The following STXBP3 variants were observed in gnomAD, a reference collection of about 807,000 sequenced individuals.
STXBP3 encodes the protein syntaxin-binding protein 3.
Under a neutral mutation model 85.7 loss-of-function variants are expected in STXBP3, and 41 were observed. The observed-to-expected ratio is 0.48, with a 90% CI of 0.37 to 0.62. The LOEUF is 0.62. Among genes scored for constraint, STXBP3 ranks in the 20% least tolerant of loss-of-function variants. The probability of loss-of-function intolerance (pLI) is 0.00; values close to 1 mark genes in which losing one functional copy is unlikely to be tolerated. For missense variants in STXBP3, 563 were observed against 703.1 expected (o/e 0.80, Z 2.25); for synonymous variants, 229 against 231.7 (o/e 0.99, Z 0.10).
chr1:108,780,878 C>T (rs971874864), intron 9 of STXBP3: 10 of 151,484 alleles, frequency 6.6e-5, no homozygotes, highest in Admixed American at 6.6e-4. Context: ...AAATGATTCC[C>T]AGCCTCAGCC....
intron 1 of STXBP3, among the ~76,000 whole-genome samples, chr1:108,751,423 TGATA>T (rs1428181747): frequency 1.3e-5 from 2 of 152,202 alleles, no homozygotes; most frequent in Non-Finnish European, 1.5e-5. Flanking sequence ...AAAAACTTGT[TGATA>T]AATTTCCCAA....
At chr1:108,775,805 T>TC (rs1438755596) in intron 7 of STXBP3, among the ~76,000 whole-genome samples, 25 of 152,122 alleles carry the variant, frequency 1.6e-4, no homozygotes, top group Admixed American at 1.3e-3. Flanking sequence ...GACTCATATG[T>TC]CCATCTTTAG....
At chr1:108,763,541 A>G (rs1438524772) in intron 6 of STXBP3, among the ~76,000 whole-genome samples, 1 of 152,136 alleles carries the variant, frequency 6.6e-6, no homozygotes, top group Non-Finnish European at 1.5e-5. Context: ...TCACTGAAGT[A>G]TTATAATGGC....
At chr1:108,784,042 A>G (rs1348566294) in intron 11 of STXBP3, among the ~76,000 whole-genome samples, 2 of 152,074 alleles carry the variant, frequency 1.3e-5, no homozygotes, top group East Asian at 3.9e-4. Context: ...CTATACATGT[A>G]TTTATGTATG....
chr1:108,783,164 G>A (rs1254113488), intron 11 of STXBP3, among the ~76,000 whole-genome samples: 1 of 152,224 alleles, frequency 6.6e-6, no homozygotes, highest in Non-Finnish European at 1.5e-5. Flanking sequence ...ACAGGTGTGA[G>A]CCACTGTGCC....
Position 108,787,588 on chromosome 1 carries a change from G to C in STXBP3, c.963+4882G>C, listed in dbSNP as rs1210337675. Among the ~76,000 whole-genome samples the C allele has an allele frequency of 2.0e-5, 3 of 151,964 alleles. No homozygotes were observed. The East Asian group carries it at 5.8e-4, about 29-fold the overall frequency. On this transcript the variant is annotated intron_variant, in intron 11 of 18. Transcript: ENST00000370008. ...TAGTTAATACCTCCTGGTTCTGGCT[G>C]ATACCTCCAGTATAACATGAAATCA...
chr1:108,792,620 C>G (rs1663000534), intron 11 of STXBP3, among the ~76,000 whole-genome samples: 1 of 152,126 alleles, frequency 6.6e-6, no homozygotes, highest in African/African-American at 2.4e-5. Context: ...CTTGGGTCTA[C>G]TTTTATTGAC....
At chr1:108,792,860 T>G (rs1663005843) in intron 11 of STXBP3, among the ~76,000 whole-genome samples, 1 of 152,216 alleles carries the variant, frequency 6.6e-6, no homozygotes, top group Non-Finnish European at 1.5e-5. Context: ...CACTGAGTCC[T>G]AAGGCATAGT....
chr1:108,757,537 A>C (rs910243441), intron 4 of STXBP3, among the ~76,000 whole-genome samples: 1 of 151,970 alleles, frequency 6.6e-6, no homozygotes, highest in African/African-American at 2.4e-5. Context: ...AAAAAATGCA[A>C]CTTAAAAGTA....
At chr1:108,768,057 G>A (rs1057048242) in intron 6 of STXBP3, among the ~76,000 whole-genome samples, 1 of 152,206 alleles carries the variant, frequency 6.6e-6, no homozygotes, top group African/African-American at 2.4e-5. Context: ...GAACTGAAGT[G>A]CAGTTACTGA....
At chr1:108,794,705 A>G (rs1017550198) in intron 12 of STXBP3, 122 bp from the exon 13 acceptor site, 3 of 746,092 alleles carry the variant, frequency 4.0e-6, no homozygotes, top group African/African-American at 3.5e-5. Flanking sequence ...TCCCTTGCTT[A>G]CATGTTACCT....
At chr1:108,763,612 G>A (rs762022115) in intron 6 of STXBP3, among the ~76,000 whole-genome samples, 1 of 152,020 alleles carries the variant, frequency 6.6e-6, no homozygotes, top group East Asian at 1.9e-4. Context: ...TTTCACTCTT[G>A]TTACCCAGGC....
chr1:108,753,309 T>A, intron 3 of STXBP3, 165 bp downstream of exon 3: 1 of 416,546 alleles, frequency 2.4e-6, no homozygotes, highest in Non-Finnish European at 4.0e-6. Context: ...CTGTCAGTTT[T>A]TTTCCCTCAG....
At position 108,760,934 on chromosome 1, in the gene STXBP3, G is replaced by A. The variant is rs939406922; in HGVS notation, c.438+849G>A. 5.9e-5 allele frequency among the ~76,000 whole-genome samples: 9 copies of A among 151,762 alleles called. No individual in the cohort carries two copies. The South Asian group carries it at 1.0e-3, about 18-fold the overall frequency. On this transcript the variant is annotated intron_variant, in intron 6 of 18. Coordinates refer to ENST00000370008, the MANE Select transcript of STXBP3 (RefSeq NM_007269.4). ...TTTTCTTTTTTTGAGACTGAGTTTC[G>A]CTTTTGTCACCCAGGCTGGAGTGCA... is the stretch of plus-strand genomic sequence containing the variant.
At chr1:108,796,036 T>C (rs145172709) in intron 13 of STXBP3, among the ~76,000 whole-genome samples, 198 bp from the exon 14 acceptor site, 3 of 152,172 alleles carry the variant, frequency 2.0e-5, no homozygotes, top group African/African-American at 7.2e-5. Context: ...CGGCTAATTT[T>C]TTGTATTTTT....
chr1:108,779,352 G>T lies in STXBP3; in HGVS notation c.751G>T (p.Glu251Ter). ...TGATCCTGTGTCCACTGTCCTGCAT[G>T]AACTGACCTTTCAGGCAATGGCATA... ...GFDPVSTVLH[E>*]LTFQAMAYDL... Residue 251 changes from glutamate (E) to a stop codon, truncating the protein, a stop_gained, in exon 9 of 19, where the codon GAA (glutamate) becomes TAA (stop). Transcript: ENST00000370008. LOFTEE classifies it high-confidence loss of function. 1 of 1,612,884 alleles carries T rather than the reference G, an allele frequency of 6.2e-7. No individual in the cohort carries two copies. The highest frequency in any genetic ancestry group is 1.1e-5 in the South Asian group (1 of 90,800).
Position 108,782,662 on chromosome 1 carries a change from C to A in STXBP3, c.919C>A (p.Leu307Ile). The change falls in exon 11 of 19, where the codon CTT becomes ATT. Residue 307 changes from leucine (L) to isoleucine (I), a missense_variant. Physicochemically the swap from Leu to Ile is conservative, Grantham distance 5. Around this residue, in one of 3 missense-constraint regions of STXBP3, gnomAD observed 494 missense variants for 592.8 expected, o/e 0.83. Coordinates refer to ENST00000370008, the MANE Select transcript of STXBP3 (RefSeq NM_007269.4). Reference protein sequence around the residue: ...IAVVLEEIPKLMKEISSTKKA... With the variant: ...IAVVLEEIPKIMKEISSTKKA... ...ACAATTTGACAGGGAAATTCCCAAG[C>A]TTATGAAAGAAATTTCATCAACAAA... 6.2e-7 allele frequency: 1 copy of A among 1,608,494 alleles called. No individual in the cohort carries two copies. Among genetic ancestry groups the A allele is most frequent in the Non-Finnish European group, 8.5e-7 (1 of 1,178,382 alleles).
At chr1:108,776,544 A>G (rs145195929) in intron 8 of STXBP3, 121 bp downstream of exon 8, 2 of 607,484 alleles carry the variant, frequency 3.3e-6, no homozygotes, top group African/African-American at 1.9e-5. Flanking sequence ...TAGATCTCCA[A>G]TACTGATTTG....
Position 108,807,468 on chromosome 1 carries a change from G to A in STXBP3, c.1603G>A (p.Val535Ile), listed in dbSNP as rs1203476218. 1 of 1,613,032 alleles carries A rather than the reference G, an allele frequency of 6.2e-7. No homozygotes were observed. The highest frequency in any genetic ancestry group is 8.5e-7 in the Non-Finnish European group (1 of 1,179,730). ...AAATGGGTCAAAGCTGATTGTTTTT[G>A]TAATTGGAGGGATCACATACTCTGA... Reference protein sequence around the residue: ...RKNGSKLIVFVIGGITYSEVR... With the variant: ...RKNGSKLIVFIIGGITYSEVR... Residue 535 changes from valine (V) to isoleucine (I), a missense_variant, in exon 18 of 19, where the codon GTA (valine) becomes ATA (isoleucine). By Grantham distance (29) the Val-to-Ile change is conservative. Around this residue, in one of 3 missense-constraint regions of STXBP3, gnomAD observed 494 missense variants for 592.8 expected, o/e 0.83. Transcript: ENST00000370008.
Sources: allele counts gnomAD v4.1 joint callset (sites outside exome capture counted in the v4.1 genomes callset), GRCh38; gene constraint gnomAD v4.1.1; regional missense constraint gnomAD v4.1.1; transcripts MANE v1.5; gene names NCBI Gene and HGNC (gene_info 2026-07-23, HGNC 2026-07-21).